TPTE2: variants seen among roughly 807,000 people sequenced by gnomAD.
TPTE2 encodes transmembrane phosphoinositide 3-phosphatase and tensin homolog 2.
TPTE2 carries 53 observed loss-of-function variants against 78.6 expected under a neutral mutation model. That is an observed-to-expected ratio of 0.67 (90% CI 0.54 to 0.85). The LOEUF is 0.85. TPTE2 is among the 40% of genes least tolerant of loss of function. TPTE2 has a pLI of 0.00. For synonymous variants in TPTE2, 175 were observed against 206.2 expected (o/e 0.85, Z 1.30); for missense variants, 461 against 623.0 (o/e 0.74, Z 2.77).
At chr13:19,426,191 T>C (rs142723906) in intron 18 of TPTE2, 4,185 of 417,124 alleles carry the variant, frequency 0.01, 55 homozygotes, top group Non-Finnish European at 0.013. Flanking sequence ...ATTTTTTGTA[T>C]TTGAGAATAC....
At chr13:19,503,992 G>A (rs1014937853), upstream of TPTE2, among the ~76,000 whole-genome samples, 6 of 151,070 alleles carry the variant, frequency 4.0e-5, no homozygotes, top group East Asian at 3.9e-4. Context: ...CACCCGCCTC[G>A]GCCTCCCAAA....
At chr13:19,448,733 A>C (rs1303016483) in intron 13 of TPTE2, among the ~76,000 whole-genome samples, 1 of 152,216 alleles carries the variant, frequency 6.6e-6, no homozygotes, top group East Asian at 1.9e-4. Context: ...ATTAGTAGTT[A>C]TTGTGGAAAA....
chr13:19,482,410 C>A, intron 4 of TPTE2, 78 bp downstream of exon 7: 1 of 1,534,168 alleles, frequency 6.5e-7, no homozygotes, highest in Admixed American at 2.0e-5. Flanking sequence ...TTCCTTCTTG[C>A]CTTAGCGGAA....
chr13:19,432,996 C>A (rs908686733), intron 15 of TPTE2, among the ~76,000 whole-genome samples: 1 of 152,186 alleles, frequency 6.6e-6, no homozygotes, highest in Non-Finnish European at 1.5e-5. Context: ...CAGAGGAATA[C>A]CTCCAAACCT....
chr13:19,437,762 G>A (rs894865360), intron 14 of TPTE2, among the ~76,000 whole-genome samples: 1 of 151,856 alleles, frequency 6.6e-6, no homozygotes, highest in Non-Finnish European at 1.5e-5. Context: ...TGTTGATATT[G>A]CATACATCAT....
intron 2 of TPTE2, 47 bp downstream of exon 5, chr13:19,493,401 G>C (rs180872366): frequency 1.3e-6 from 2 of 1,532,480 alleles, no homozygotes; most frequent in Middle Eastern, 1.7e-4. Context: ...ATAGTTCTAT[G>C]CACACTTATG....
chr13:19,544,060 C>CAAAAAAAAAAAAAAAAA, the TPTE2 span, among the ~76,000 whole-genome samples: 11 of 31,982 alleles, frequency 3.4e-4, no homozygotes, highest in Non-Finnish European at 4.1e-4. Flanking sequence ...GAACCTGTCT[C>CAAAAAAAAAAAAAAAAA]AAAAAAAAAA....
the TPTE2 span, among the ~76,000 whole-genome samples, chr13:19,546,483 C>CTTTTTTTTTTTTTTTTTTTTT: frequency 2.4e-5 from 2 of 85,022 alleles, no homozygotes; most frequent in Non-Finnish European, 4.1e-5. Context: ...TTTTCTTTTT[C>CTTTTTTTTTTTTTTTTTTTTT]TTTTTTTTTT....
intron 13 of TPTE2, among the ~76,000 whole-genome samples, chr13:19,441,230 T>C (rs949818068): frequency 6.6e-6 from 1 of 151,972 alleles, no homozygotes; most frequent in Non-Finnish European, 1.5e-5. Flanking sequence ...TGCTCATGGA[T>C]ATCAAGGTGG....
At chr13:19,537,310 T>C (rs1871268253), upstream of TPTE2, among the ~76,000 whole-genome samples, 2 of 151,514 alleles carry the variant, frequency 1.3e-5, no homozygotes, top group African/African-American at 2.4e-5. Context: ...CTTGGCTCAC[T>C]GCAACCTCCA....
chr13:19,475,489 G>A (rs1430213895), intron 5 of TPTE2, 84 bp downstream of exon 8: 6 of 1,496,320 alleles, frequency 4.0e-6, no homozygotes, highest in African/African-American at 2.8e-5. Context: ...GCCCCCCAGA[G>A]TGCTGGGATT....
chr13:19,554,795 G>A, the TPTE2 span, among the ~76,000 whole-genome samples: 4 of 152,064 alleles, frequency 2.6e-5, no homozygotes, highest in Admixed American at 6.6e-5. Context: ...ATCTGTTCCT[G>A]AGCCTTTATG....
At chr13:19,436,368 T>C (rs1877090390) in intron 14 of TPTE2, 62 bp from the exon 18 acceptor site, 17 of 1,461,050 alleles carry the variant, frequency 1.2e-5, no homozygotes, top group Non-Finnish European at 1.5e-5. Context: ...CTATATTAGG[T>C]ACCCTTAGTG....
chr13:19,427,845 A>G (rs1397558430), intron 17 of TPTE2, among the ~76,000 whole-genome samples: 1 of 152,232 alleles, frequency 6.6e-6, no homozygotes, highest in African/African-American at 2.4e-5. Context: ...GGCACCCACA[A>G]TAAGAAAGGT....
chr13:19,438,170 G>A lies in TPTE2; in HGVS notation c.974-17C>T. On this transcript the variant is annotated splice_polypyrimidine_tract_variant and intron_variant, in intron 13 of 19. Transcript: ENST00000400230. ...CGGTTCTTCCTAGAAAAGAAAAGAA[G>A]TTAGTTCAAGAACATACATGGTATA... is the stretch of plus-strand genomic sequence containing the variant. 2 of 1,606,146 alleles carry A rather than the reference G, an allele frequency of 1.2e-6. No individual in the cohort carries two copies. Among genetic ancestry groups the A allele is most frequent in the Non-Finnish European group, 1.7e-6 (2 of 1,175,590 alleles).
intron 4 of TPTE2, among the ~76,000 whole-genome samples, chr13:19,476,049 G>A (rs1879916793): frequency 1.3e-5 from 2 of 152,184 alleles, no homozygotes; most frequent in Admixed American, 6.5e-5. Context: ...TTTCAGGAAT[G>A]AGCATAGGGA....
intron 10 of TPTE2, among the ~76,000 whole-genome samples, chr13:19,462,438 T>C (rs1241040871): frequency 6.6e-6 from 1 of 152,154 alleles, no homozygotes; most frequent in Non-Finnish European, 1.5e-5. Flanking sequence ...TCTTATTGTC[T>C]ACTGACCTGT....
Position 19,535,649 on chromosome 13 carries a change from T to C in TPTE2, c.-44+947A>G, listed in dbSNP as rs1434997511. Among the ~76,000 whole-genome samples the C allele has an allele frequency of 8.6e-6, 1 of 115,610 alleles. No individual in the cohort carries two copies. Among genetic ancestry groups the C allele is most frequent in the Non-Finnish European group, 1.9e-5 (1 of 53,754 alleles). 75.8% of individuals were successfully genotyped at this position (115,610 alleles called of 152,430 possible). ...TTATTTATTTATTTATTTATTTATT[T>C]TGAGACGGAGTCTCACTCTGTCACC... On this transcript the variant is annotated intron_variant, in intron 1 of 17. Coordinates refer to the TPTE2 transcript ENST00000390680. The surrounding 1 kb of genome is among the most constrained non-coding windows in gnomAD (Gnocchi z 5.1).
At chr13:19,442,762 T>C (rs1342128123) in intron 13 of TPTE2, among the ~76,000 whole-genome samples, 1 of 152,150 alleles carries the variant, frequency 6.6e-6, no homozygotes, top group African/African-American at 2.4e-5. Flanking sequence ...GGTAAAATGA[T>C]ATTGTGAACA....
Sources: allele counts gnomAD v4.1 joint callset (sites outside exome capture counted in the v4.1 genomes callset), GRCh38; gene constraint gnomAD v4.1.1; non-coding constraint Gnocchi (gnomAD v3.1); transcripts MANE v1.5; gene names NCBI Gene and HGNC (gene_info 2026-07-23, HGNC 2026-07-21).